The following ANO4 variants were observed in gnomAD, a reference collection of about 807,000 sequenced individuals.
ANO4 encodes anoctamin 4.
In ANO4, 69 loss-of-function variants were observed where a neutral mutation model predicts 141.9. The ratio of observed to expected loss-of-function variants is 0.49; its 90% CI spans 0.40 to 0.59. ANO4 has a LOEUF of 0.59. ANO4 is among the 20% of genes least tolerant of loss of function. The pLI is 0.00. For missense variants in ANO4, 894 were observed against 1,162.2 expected (o/e 0.77, Z 3.36); for synonymous variants, 350 against 394.3 (o/e 0.89, Z 1.33).
chr12:101,068,404 G>C (rs2048680715), intron 14 of ANO4: 1 of 950,554 alleles, frequency 1.1e-6, no homozygotes, highest in Admixed American at 1.7e-5. Flanking sequence ...AATAAGAACT[G>C]GAAGCTGAGT....
At chr12:100,864,295 C>T (rs1174587804) in intron 1 of ANO4, among the ~76,000 whole-genome samples, 2 of 151,970 alleles carry the variant, frequency 1.3e-5, no homozygotes, top group Non-Finnish European at 2.9e-5. Flanking sequence ...TGGGGTAGGT[C>T]CATTTTACAC....
At chr12:101,083,991 A>C (rs1157161979) in intron 16 of ANO4, among the ~76,000 whole-genome samples, 173 bp downstream of exon 16, 1 of 152,216 alleles carries the variant, frequency 6.6e-6, no homozygotes, top group Admixed American at 6.5e-5. Context: ...CCCATATTAC[A>C]GATAGAACAA....
chr12:101,023,420 C>T (rs894403799), intron 9 of ANO4, among the ~76,000 whole-genome samples: 1 of 152,120 alleles, frequency 6.6e-6, no homozygotes, highest in Non-Finnish European at 1.5e-5. Flanking sequence ...CCTGGAATCC[C>T]AGAACTTTGG....
At chr12:100,825,339 CTATG>C (rs1247976098) in intron 1 of ANO4, among the ~76,000 whole-genome samples, 1 of 151,966 alleles carries the variant, frequency 6.6e-6, no homozygotes, top group African/African-American at 2.4e-5. Context: ...GCTAGATTCT[CTATG>C]TACATGATTT....
chr12:100,855,662 G>A lies in ANO4; in HGVS notation c.-140-45984G>A, dbSNP rs187773487. The stretch of plus-strand genomic sequence containing the variant: ...TTGTAGTGTTTGCATTATTTTCTGC[G>A]GCTAAAATCTCAGAAGAGAGGATGT... On this transcript the variant is annotated intron_variant, in intron 1 of 27. Transcript: ENST00000392977. Among the ~76,000 whole-genome samples, 49 of 152,126 alleles carry A rather than the reference G, an allele frequency of 3.2e-4. No individual in the cohort carries two copies. In the East Asian group the frequency reaches 8.7e-3, roughly 27 times the overall value.
At chr12:100,944,557 A>G (rs80105806) in intron 5 of ANO4, among the ~76,000 whole-genome samples, 5,505 of 151,366 alleles carry the variant, frequency 0.036, 281 homozygotes, top group African/African-American at 0.11. Flanking sequence ...TTTCCTCCAC[A>G]ATCTTTTAGA....
intron 1 of ANO4, among the ~76,000 whole-genome samples, chr12:100,730,020 T>C (rs2031317656): frequency 6.6e-6 from 1 of 152,202 alleles, no homozygotes; most frequent in Non-Finnish European, 1.5e-5. Flanking sequence ...TTCATAGTCA[T>C]TTCTGTGCTT....
chr12:100,965,305 C>T (rs749125519), intron 5 of ANO4, among the ~76,000 whole-genome samples: 21 of 152,194 alleles, frequency 1.4e-4, no homozygotes, highest in Middle Eastern at 3.4e-3. Context: ...TTCTTTCAAA[C>T]CTACCTCCAC....
chr12:100,882,271 G>A (rs2039607392), intron 1 of ANO4, among the ~76,000 whole-genome samples: 2 of 152,032 alleles, frequency 1.3e-5, no homozygotes, highest in African/African-American at 2.4e-5. Context: ...CAGAATACTT[G>A]TCGAGCTACA....
intron 1 of ANO4, among the ~76,000 whole-genome samples, chr12:100,854,196 C>A (rs11110557): frequency 0.047 from 7,213 of 152,164 alleles, 230 homozygotes; most frequent in Middle Eastern, 0.095. Context: ...AGAAGATAAT[C>A]TTTTTGGATG....
intron 5 of ANO4, among the ~76,000 whole-genome samples, chr12:100,956,831 G>A (rs943194109): frequency 8.5e-5 from 13 of 152,196 alleles, no homozygotes; most frequent in African/African-American, 3.1e-4. Context: ...GTGAAAAACT[G>A]TTAGTCTTGA....
At chr12:100,877,751 T>C (rs2039386608) in intron 1 of ANO4, among the ~76,000 whole-genome samples, 1 of 152,008 alleles carries the variant, frequency 6.6e-6, no homozygotes, top group Non-Finnish European at 1.5e-5. Flanking sequence ...AAGTACAGAG[T>C]AGAGGGATAG....
intron 3 of ANO4, among the ~76,000 whole-genome samples, chr12:100,756,381 G>C (rs1440051241): frequency 6.6e-6 from 1 of 152,062 alleles, no homozygotes; most frequent in East Asian, 1.9e-4. Flanking sequence ...GTGTAGTCTT[G>C]CTCTGTTGCC....
chr12:101,094,293 GT>G lies in ANO4; in HGVS notation c.1738+2del, dbSNP rs2049892615. ...GTTGCCCTGCTTCTGACGAATTTAG[GT>G]GAGTGGAATCCTTTCTATTTCATAG... On this transcript the variant is annotated splice_donor_variant, in intron 18 of 27. Coordinates refer to ENST00000392977, the MANE Select transcript of ANO4 (RefSeq NM_001286615.2). LOFTEE classifies it high-confidence loss of function. The G allele has an allele frequency of 6.2e-7, 1 of 1,608,562 alleles. No homozygotes were observed. Among genetic ancestry groups the G allele is most frequent in the Non-Finnish European group, 8.5e-7 (1 of 1,175,294 alleles).
intron 14 of ANO4, among the ~76,000 whole-genome samples, chr12:101,054,701 T>C (rs1010845112): frequency 4.6e-5 from 7 of 152,146 alleles, no homozygotes; most frequent in East Asian, 1.9e-4. Flanking sequence ...GGGGTTTCAC[T>C]GTGTTAGCCA....
At position 101,079,282 on chromosome 12, in the gene ANO4, A is replaced by G; in HGVS notation, c.1395+7A>G. On this transcript the variant is annotated splice_region_variant and intron_variant, in intron 15 of 27. Coordinates refer to ENST00000392977, the MANE Select transcript of ANO4 (RefSeq NM_001286615.2). The stretch of plus-strand genomic sequence containing the variant: ...AGACTGGGAAGAAGAGGAGGTTTGT[A>G]TCATTTACCTCAGAATGTTGTAAAA... The G allele has an allele frequency of 6.2e-7, 1 of 1,609,944 alleles. No homozygotes were observed. Among genetic ancestry groups the G allele is most frequent in the Non-Finnish European group, 8.5e-7 (1 of 1,176,416 alleles).
chr12:100,883,943 C>T (rs957919544), intron 1 of ANO4, among the ~76,000 whole-genome samples: 13 of 152,186 alleles, frequency 8.5e-5, no homozygotes, highest in East Asian at 5.8e-4. Flanking sequence ...TAAAATACAA[C>T]GGTTGTCCTC....
At chr12:100,756,678 A>T (rs879650945) in intron 3 of ANO4, among the ~76,000 whole-genome samples, 8 of 151,302 alleles carry the variant, frequency 5.3e-5, no homozygotes, top group Non-Finnish European at 1.2e-4. Context: ...GTTTTCTCTG[A>T]CTCTTTGGTG....
intron 15 of ANO4, among the ~76,000 whole-genome samples, chr12:101,080,686 G>C (rs908758990): frequency 1.3e-5 from 2 of 151,650 alleles, no homozygotes; most frequent in South Asian, 2.1e-4. Context: ...AATTAGCTGG[G>C]TGTGGTGGCA....
Sources: allele counts gnomAD v4.1 joint callset (sites outside exome capture counted in the v4.1 genomes callset), GRCh38; gene constraint gnomAD v4.1.1; transcripts MANE v1.5; gene names NCBI Gene and HGNC (gene_info 2026-07-23, HGNC 2026-07-21).